The following ZDHHC14 variants were observed in gnomAD, a reference collection of about 807,000 sequenced individuals.
ZDHHC14 encodes the protein palmitoyltransferase ZDHHC14.
Under a neutral mutation model 47.7 loss-of-function variants are expected in ZDHHC14, and 16 were observed. The observed-to-expected ratio is 0.34, with a 90% CI of 0.23 to 0.51. ZDHHC14 has a LOEUF of 0.51. Ranked by LOEUF, ZDHHC14 falls within the 20% of genes least tolerant of loss-of-function variation. ZDHHC14 has a pLI of 0.97. For synonymous variants in ZDHHC14, 293 were observed against 278.9 expected (o/e 1.05, Z -0.50); for missense variants, 515 against 662.5 (o/e 0.78, Z 2.44).
chr6:157,651,439 A>G (rs1317807865), intron 7 of ZDHHC14, among the ~76,000 whole-genome samples: 2 of 152,196 alleles, frequency 1.3e-5, no homozygotes, highest in East Asian at 1.9e-4. Flanking sequence ...GCCCACCCCA[A>G]TTGAGTGTGA....
intron 2 of ZDHHC14, among the ~76,000 whole-genome samples, chr6:157,551,080 A>G (rs1003694342): frequency 6.6e-6 from 1 of 152,194 alleles, no homozygotes; most frequent in Non-Finnish European, 1.5e-5. Flanking sequence ...TGGTTCAAGA[A>G]TACAGTCAAA....
At chr6:157,435,408 T>C (rs1389858951) in intron 1 of ZDHHC14, among the ~76,000 whole-genome samples, 1 of 152,174 alleles carries the variant, frequency 6.6e-6, no homozygotes, top group African/African-American at 2.4e-5. Context: ...ATCGATGACA[T>C]TGGGATGAAC....
chr6:157,653,296 C>A (rs957943654), intron 7 of ZDHHC14, among the ~76,000 whole-genome samples: 1 of 152,136 alleles, frequency 6.6e-6, no homozygotes, highest in Non-Finnish European at 1.5e-5. Context: ...GCAGGCGACA[C>A]GCCCTTGGCC....
At chr6:157,556,747 G>A (rs1325971544) in intron 2 of ZDHHC14, among the ~76,000 whole-genome samples, 2 of 152,208 alleles carry the variant, frequency 1.3e-5, no homozygotes, top group Admixed American at 6.5e-5. Flanking sequence ...CGAGGCTGGT[G>A]TTGAAGCAAA....
At position 157,620,184 on chromosome 6, in the gene ZDHHC14, G is replaced by A. The variant is rs183051395; in HGVS notation, c.566-8165G>A. ...TCTGGAGGCTGGAAAGTCCAAGATC[G>A]AGGGAATGCATCTGATGAGGGCCTT... On this transcript the variant is annotated intron_variant, in intron 3 of 8. Coordinates refer to ENST00000359775, the MANE Select transcript of ZDHHC14 (RefSeq NM_024630.3). 2.4e-4 allele frequency among the ~76,000 whole-genome samples: 36 copies of A among 152,258 alleles called. No individual in the cohort carries two copies. In the East Asian group the frequency reaches 4.3e-3, roughly 18 times the overall value.
intron 2 of ZDHHC14, among the ~76,000 whole-genome samples, chr6:157,580,725 TG>T: frequency 6.6e-6 from 1 of 151,432 alleles, no homozygotes; most frequent in Admixed American, 6.6e-5. Flanking sequence ...TGTGTGTGTG[TG>T]TGTGTGTGTT....
rs140817466 is a variant in ZDHHC14, at chr6:157,527,288, C to T, written c.246-15297C>T. Among the ~76,000 whole-genome samples, 1,360 of 152,288 alleles carry T rather than the reference C, an allele frequency of 8.9e-3. 13 individuals carry two copies. The highest frequency in any genetic ancestry group is 0.029 in the African/African-American group (1,193 of 41,556). On this transcript the variant is annotated intron_variant, in intron 1 of 8. Coordinates refer to ENST00000359775, the MANE Select transcript of ZDHHC14 (RefSeq NM_024630.3). ...CCTCCCATCGACTCCAGGAGCTCCC[C>T]AGCTCCTGTTTCTACTCTGAAGGAG...
intron 8 of ZDHHC14, among the ~76,000 whole-genome samples, chr6:157,672,440 G>T (rs1160909398): frequency 6.6e-6 from 1 of 152,072 alleles, no homozygotes; most frequent in Non-Finnish European, 1.5e-5. Context: ...TTTAAATTGG[G>T]AACCAAGACC....
intron 3 of ZDHHC14, among the ~76,000 whole-genome samples, chr6:157,624,565 T>C (rs1785327174): frequency 1.3e-5 from 2 of 152,210 alleles, no homozygotes; most frequent in Non-Finnish European, 2.9e-5. Flanking sequence ...TCCGAGCACC[T>C]GATACAGTGC....
At chr6:157,497,915 T>C (rs1780106479) in intron 1 of ZDHHC14, among the ~76,000 whole-genome samples, 2 of 152,200 alleles carry the variant, frequency 1.3e-5, no homozygotes, top group Non-Finnish European at 2.9e-5. Flanking sequence ...TGTCTTCTCA[T>C]AGCTTATAAC....
At chr6:157,456,608 G>A (rs1211850398) in intron 1 of ZDHHC14, among the ~76,000 whole-genome samples, 3 of 152,188 alleles carry the variant, frequency 2.0e-5, no homozygotes, top group Non-Finnish European at 2.9e-5. Flanking sequence ...CTGGCAGTAC[G>A]AGCTGCTTCA....
intron 2 of ZDHHC14, among the ~76,000 whole-genome samples, chr6:157,558,913 G>A (rs1324654202): frequency 6.6e-6 from 1 of 152,042 alleles, no homozygotes; most frequent in East Asian, 1.9e-4. Flanking sequence ...CAGCTGCTCA[G>A]CCCCCAACCT....
intron 1 of ZDHHC14, among the ~76,000 whole-genome samples, chr6:157,475,860 G>T (rs1215311770): frequency 1.3e-5 from 2 of 151,986 alleles, no homozygotes; most frequent in Non-Finnish European, 2.9e-5. Context: ...TGATGAGTGG[G>T]TCAAAAAGAA....
chr6:157,666,781 T>A (rs1056394100), intron 8 of ZDHHC14, among the ~76,000 whole-genome samples: 6 of 152,222 alleles, frequency 3.9e-5, no homozygotes, highest in African/African-American at 1.4e-4. Flanking sequence ...ATGAGCAATT[T>A]TATTTGAGAA....
chr6:157,631,723 C>G (rs1442986484), intron 4 of ZDHHC14: 2 of 152,220 alleles, frequency 1.3e-5, no homozygotes, highest in Admixed American at 1.3e-4. Context: ...AATTAGGGTG[C>G]AGTAGACAAA....
chr6:157,552,919 C>T (rs1446374868), intron 2 of ZDHHC14, among the ~76,000 whole-genome samples: 2 of 152,232 alleles, frequency 1.3e-5, no homozygotes, highest in African/African-American at 4.8e-5. Context: ...TTACCTCTCA[C>T]ACCTCATTGT....
intron 4 of ZDHHC14, chr6:157,630,706 CAT>C (rs1344624984): frequency 7.3e-5 from 11 of 151,700 alleles, no homozygotes; most frequent in South Asian, 6.3e-4. Context: ...AGCTCACACA[CAT>C]ACCCTTACAC....
chr6:157,492,728 G>T (rs138644474), intron 1 of ZDHHC14, among the ~76,000 whole-genome samples: 2,675 of 152,322 alleles, frequency 0.018, 83 homozygotes, highest in African/African-American at 0.061. Flanking sequence ...GGACAGGTAG[G>T]TGCTGAGAGC....
chr6:157,475,043 T>C (rs1260326138), intron 1 of ZDHHC14, among the ~76,000 whole-genome samples: 3 of 152,200 alleles, frequency 2.0e-5, no homozygotes, highest in African/African-American at 7.2e-5. Flanking sequence ...TTTAATCCAT[T>C]CTAAGTTGAT....
Sources: allele counts gnomAD v4.1 joint callset (sites outside exome capture counted in the v4.1 genomes callset), GRCh38; gene constraint gnomAD v4.1.1; transcripts MANE v1.5; gene names NCBI Gene and HGNC (gene_info 2026-07-23, HGNC 2026-07-21).